Variants in MTMR7 observed in about 807,000 individuals in gnomAD.
The protein encoded by MTMR7 is myotubularin related protein 7.
Under a neutral mutation model 81.2 loss-of-function variants are expected in MTMR7, and 76 were observed. That is an observed-to-expected ratio of 0.94 (90% CI 0.78 to 1.13). MTMR7 has a LOEUF of 1.13. Ranked by LOEUF, MTMR7 falls within the 50% of genes most tolerant of loss-of-function variation. The pLI is 0.00. For synonymous variants in MTMR7, 372 were observed against 289.8 expected (o/e 1.28, Z -2.88); for missense variants, 1,044 against 820.0 (o/e 1.27, Z -3.34).
Position 17,331,271 on chromosome 8 carries a change from C to G in MTMR7, c.744G>C (p.Met248Ile). 1 of 1,606,424 alleles carries G rather than the reference C, an allele frequency of 6.2e-7. No homozygotes were observed. The highest frequency in any genetic ancestry group is 8.5e-7 in the Non-Finnish European group (1 of 1,177,706). Reference sequence around the variant, plus strand: ...AGCCTTTCCCTGCAGCACGATTTGCCATTGCATTAAGCTGCAGTGGTCAGC... The same window carrying G: ...AGCCTTTCCCTGCAGCACGATTTGCGATTGCATTAAGCTGCAGTGGTCAGC... ...VVDTRPKLNA[M>I]ANRAAGKGYE... The change falls in exon 7 of 14, where the codon ATG becomes ATC. Residue 248 changes from methionine (M) to isoleucine (I), a missense_variant. Coordinates refer to ENST00000180173, the MANE Select transcript of MTMR7 (RefSeq NM_004686.5).
chr8:17,305,979 A>G, intron 10 of MTMR7, 22 bp from the exon 11 acceptor site: 1 of 1,571,890 alleles, frequency 6.4e-7, no homozygotes, highest in Non-Finnish European at 8.7e-7. Flanking sequence ...AGCATTAGAG[A>G]CTTTTTAAGG....
intron 5 of MTMR7, among the ~76,000 whole-genome samples, chr8:17,346,949 C>T (rs909916525): frequency 1.4e-5 from 2 of 144,544 alleles, no homozygotes; most frequent in Non-Finnish European, 3.0e-5. Flanking sequence ...AATCCCAGCA[C>T]TTTGGGAGGC....
In MTMR7 at chr8:17,298,032, T is replaced by A. The variant is rs367807613; in HGVS notation, c.*1830A>T. On this transcript the variant is annotated 3_prime_UTR_variant, in exon 14 of 14. Coordinates refer to ENST00000180173, the MANE Select transcript of MTMR7 (RefSeq NM_004686.5). The stretch of plus-strand genomic sequence containing the variant: ...ATAGTGCTGTTTGGCATAGATACTT[T>A]GTCATTTTTTAAAAAATGTTTATTG... 6.6e-5 allele frequency: 10 copies of A among 152,096 alleles called. No individual in the cohort carries two copies. Among genetic ancestry groups the A allele is most frequent in the Admixed American group, 2.0e-4 (3 of 15,272 alleles). The allele number at this position is 152,096 out of a possible 1,614,324, so 9.4% of individuals were successfully genotyped here. A position where few individuals can be genotyped will look rare whatever the true frequency, so the allele number is the denominator to read the frequency against.
chr8:17,332,536 G>A (rs1053178602), intron 6 of MTMR7, among the ~76,000 whole-genome samples: 1 of 152,166 alleles, frequency 6.6e-6, no homozygotes, highest in East Asian at 1.9e-4. Flanking sequence ...TTACGATGGG[G>A]TTATATCATG....
In MTMR7 at chr8:17,361,066, G is replaced by T. The variant is rs953313926; in HGVS notation, c.468+51C>A. ...ATAAAAATAAAGGGATGCTAAGCTG[G>T]CTGAAACCCTAATTTCATGCGGCTT... On this transcript the variant is annotated intron_variant, in intron 4 of 13. Coordinates refer to ENST00000180173, the MANE Select transcript of MTMR7 (RefSeq NM_004686.5). 8 of 1,595,080 alleles carry T rather than the reference G, an allele frequency of 5.0e-6. No individual in the cohort carries two copies. The Admixed American group carries it at 6.7e-5, about 13-fold the overall frequency.
chr8:17,331,636 G>A (rs1481527139), intron 6 of MTMR7, among the ~76,000 whole-genome samples: 3 of 152,146 alleles, frequency 2.0e-5, no homozygotes, highest in East Asian at 1.9e-4. Context: ...ACACATAACC[G>A]GTAGGTTGGC....
chr8:17,338,778 G>C (rs1234111905), intron 6 of MTMR7: 1 of 151,540 alleles, frequency 6.6e-6, no homozygotes, highest in Non-Finnish European at 1.5e-5. Context: ...CGTGCTCTGA[G>C]AATTTAAAAG....
chr8:17,361,589 T>C (rs951852625), intron 3 of MTMR7, among the ~76,000 whole-genome samples: 2 of 152,238 alleles, frequency 1.3e-5, no homozygotes, highest in Non-Finnish European at 2.9e-5. Flanking sequence ...ACATCAAATA[T>C]GGAACATAAA....
At chr8:17,388,273 C>G (rs543544000) in intron 1 of MTMR7, among the ~76,000 whole-genome samples, 2 of 151,954 alleles carry the variant, frequency 1.3e-5, no homozygotes, top group African/African-American at 4.8e-5. Flanking sequence ...TTAAAATAAC[C>G]CCAACCAAAA....
Position 17,331,301 on chromosome 8 carries a change from C to A in MTMR7, c.733-19G>T. On this transcript the variant is annotated intron_variant, in intron 6 of 13. Transcript: ENST00000180173. Reference sequence around the variant, plus strand: ...CATTAAGCTGCAGTGGTCAGCAAAACAGAACAGTCATCAATTACATTGATG... The same window carrying A: ...CATTAAGCTGCAGTGGTCAGCAAAAAAGAACAGTCATCAATTACATTGATG... 6.4e-7 allele frequency: 1 copy of A among 1,566,640 alleles called. No individual in the cohort carries two copies. The highest frequency in any genetic ancestry group is 8.6e-7 in the Non-Finnish European group (1 of 1,160,560).
At chr8:17,338,186 C>T (rs13259354) in intron 6 of MTMR7, among the ~76,000 whole-genome samples, 14,557 of 152,278 alleles carry the variant, frequency 0.096, 973 homozygotes, top group Non-Finnish European at 0.15. Context: ...ATGGCTTGTA[C>T]GAAACCCCAG....
chr8:17,399,974 C>A (rs1335937817), intron 1 of MTMR7, among the ~76,000 whole-genome samples: 1 of 150,946 alleles, frequency 6.6e-6, no homozygotes, highest in Non-Finnish European at 1.5e-5. Context: ...TTTTCTGGTT[C>A]CATTTCTATA....
At chr8:17,355,434 A>T (rs1819862370) in intron 4 of MTMR7, among the ~76,000 whole-genome samples, 1 of 152,214 alleles carries the variant, frequency 6.6e-6, no homozygotes, top group African/African-American at 2.4e-5. Context: ...AGATATCCTG[A>T]TGAATTATGT....
At chr8:17,385,750 C>T (rs913508210) in intron 1 of MTMR7, among the ~76,000 whole-genome samples, 2 of 152,132 alleles carry the variant, frequency 1.3e-5, no homozygotes, top group African/African-American at 2.4e-5. Context: ...CTGCTCCTAC[C>T]ATGTAAGAAG....
At chr8:17,301,825 G>C (rs562221630) in intron 13 of MTMR7, 4 of 363,950 alleles carry the variant, frequency 1.1e-5, no homozygotes, top group Non-Finnish European at 1.9e-5. Context: ...ACATATATTT[G>C]ATTTTATTCT....
chr8:17,324,567 G>C (rs1050036323), intron 7 of MTMR7, among the ~76,000 whole-genome samples: 2 of 152,186 alleles, frequency 1.3e-5, no homozygotes, highest in African/African-American at 4.8e-5. Context: ...AGCTGTGTTT[G>C]AAATCCTCAT....
At chr8:17,368,612 C>A (rs958160358) in intron 3 of MTMR7, among the ~76,000 whole-genome samples, 1 of 152,180 alleles carries the variant, frequency 6.6e-6, no homozygotes, top group African/African-American at 2.4e-5. Context: ...CACATTTCCC[C>A]ATCTCCCTCC....
chr8:17,407,222 A>G (rs759307673), intron 1 of MTMR7, among the ~76,000 whole-genome samples: 1 of 152,192 alleles, frequency 6.6e-6, no homozygotes, highest in African/African-American at 2.4e-5. Flanking sequence ...AAAAGTAACA[A>G]AATGGTCAGT....
At chr8:17,406,896 T>C (rs1006769087) in intron 1 of MTMR7, among the ~76,000 whole-genome samples, 1 of 152,126 alleles carries the variant, frequency 6.6e-6, no homozygotes, top group Non-Finnish European at 1.5e-5. Flanking sequence ...ATTTAAAATG[T>C]CCAGAAAAAC....
Sources: allele counts gnomAD v4.1 joint callset (sites outside exome capture counted in the v4.1 genomes callset), GRCh38; gene constraint gnomAD v4.1.1; transcripts MANE v1.5; gene names NCBI Gene and HGNC (gene_info 2026-07-23, HGNC 2026-07-21).